Variants in TMEM144 observed in about 807,000 individuals in gnomAD.
TMEM144 encodes transmembrane protein 144.
In TMEM144, 39 loss-of-function variants were observed where a neutral mutation model predicts 43.6. That is an observed-to-expected ratio of 0.90 (90% confidence interval 0.69 to 1.17). The LOEUF is 1.17. TMEM144 is among the 50% of genes most tolerant of loss of function. The pLI is 0.00. For synonymous variants in TMEM144, 154 were observed against 133.6 expected (o/e 1.15, Z -1.06); for missense variants, 417 against 411.9 (o/e 1.01, Z -0.11).
At chr4:158,249,933 T>TGTGTGTGTGTGTGTGTG (rs70958884) in intron 12 of TMEM144, among the ~76,000 whole-genome samples, 85 of 136,048 alleles carry the variant, frequency 6.2e-4, no homozygotes, top group Non-Finnish European at 9.6e-4. Flanking sequence ...TGTGTGTGTG[T>TGTGTGTGTGTGTGTGTG]TTAAATAAGC....
At chr4:158,225,361 T>TC (rs1734714647) in intron 6 of TMEM144, among the ~76,000 whole-genome samples, 1 of 152,246 alleles carries the variant, frequency 6.6e-6, no homozygotes, top group Admixed American at 6.5e-5. Flanking sequence ...CATGAGTTTT[T>TC]CTTTTAACTC....
chr4:158,253,112 CTCAAACAACCATGGTGGTTTGCT>C (rs1406626675), intron 12 of TMEM144, among the ~76,000 whole-genome samples: 1 of 152,230 alleles, frequency 6.6e-6, no homozygotes, highest in Non-Finnish European at 1.5e-5. Context: ...GTAACACACT[CTCAAACAACCATGGTGGTTTGCT>C]TTATTATTAA....
intron 4 of TMEM144, among the ~76,000 whole-genome samples, chr4:158,216,382 G>A (rs574185063): frequency 6.6e-6 from 1 of 152,286 alleles, no homozygotes; most frequent in South Asian, 2.1e-4. Flanking sequence ...GTGATTAGGA[G>A]GGTGGTGGTA....
intron 12 of TMEM144, among the ~76,000 whole-genome samples, chr4:158,250,991 T>C (rs1187770141): frequency 6.6e-6 from 1 of 152,200 alleles, no homozygotes; most frequent in Non-Finnish European, 1.5e-5. Flanking sequence ...CCCTACAGAT[T>C]TGAAGCTGGC....
intron 12 of TMEM144, among the ~76,000 whole-genome samples, chr4:158,252,411 T>A (rs1242974104): frequency 6.6e-6 from 1 of 152,180 alleles, no homozygotes; most frequent in African/African-American, 2.4e-5. Context: ...CACCTCCTAA[T>A]TGGTCTCCTT....
intron 6 of TMEM144, 42 bp from the exon 7 acceptor site, chr4:158,232,859 C>T: frequency 7.4e-7 from 1 of 1,354,536 alleles, no homozygotes; most frequent in South Asian, 1.2e-5. Flanking sequence ...TGATATAAAC[C>T]AGTATTATGA....
At chr4:158,220,584 T>C (rs1269687111) in intron 6 of TMEM144, among the ~76,000 whole-genome samples, 1 of 152,246 alleles carries the variant, frequency 6.6e-6, no homozygotes, top group African/African-American at 2.4e-5. Flanking sequence ...CAAGCTTTGG[T>C]TTCTTCATTT....
chr4:158,230,290 G>A (rs1233457179), intron 6 of TMEM144, among the ~76,000 whole-genome samples: 1 of 152,140 alleles, frequency 6.6e-6, no homozygotes, highest in Non-Finnish European at 1.5e-5. Flanking sequence ...TTTCCTTCCT[G>A]ACCGTTATTA....
chr4:158,215,334 T>C (rs1159060977), intron 4 of TMEM144, 21 bp downstream of exon 4: 1 of 1,609,980 alleles, frequency 6.2e-7, no homozygotes, highest in Non-Finnish European at 8.5e-7. Flanking sequence ...ATATAACTTA[T>C]ACTTTTATTA....
intron 8 of TMEM144, among the ~76,000 whole-genome samples, chr4:158,237,086 T>A (rs915603166): frequency 1.3e-5 from 2 of 152,210 alleles, no homozygotes; most frequent in Non-Finnish European, 1.5e-5. Flanking sequence ...AAAAATGCAT[T>A]TAGTACTTAG....
At chr4:158,236,960 A>G (rs1735380320) in intron 8 of TMEM144, among the ~76,000 whole-genome samples, 1 of 152,200 alleles carries the variant, frequency 6.6e-6, no homozygotes, top group African/African-American at 2.4e-5. Context: ...TTTTATAAAA[A>G]GAAATGTTTT....
chr4:158,225,504 T>C (rs1024877854), intron 6 of TMEM144, among the ~76,000 whole-genome samples: 4 of 152,244 alleles, frequency 2.6e-5, no homozygotes, highest in Non-Finnish European at 5.9e-5. Flanking sequence ...GATCTGGTAT[T>C]CCTTGTGGGG....
chr4:158,242,323 T>C (rs759494066), intron 11 of TMEM144, among the ~76,000 whole-genome samples: 3 of 152,218 alleles, frequency 2.0e-5, no homozygotes, highest in Non-Finnish European at 2.9e-5. Context: ...AGGCCCTTGC[T>C]TGGTTTTATT....
At chr4:158,215,098 G>T in intron 3 of TMEM144, 93 bp from the exon 4 acceptor site, 1 of 1,498,444 alleles carries the variant, frequency 6.7e-7, no homozygotes, top group Non-Finnish European at 9.2e-7. Flanking sequence ...AATAAATTGT[G>T]GCCATTCCTG....
At position 158,254,182 on chromosome 4, in the gene TMEM144, CATT is replaced by C. The variant is rs1266262603; in HGVS notation, c.*656_*658del. The C allele has an allele frequency of 6.6e-6, 1 of 152,168 alleles. No individual in the cohort carries two copies. Among genetic ancestry groups the C allele is most frequent in the Non-Finnish European group, 1.5e-5 (1 of 68,072 alleles). 9.4% of individuals were successfully genotyped at this position (152,168 alleles called of 1,614,324 possible). ...TTCTCAGAGAACAAAAATTTTTCATCATTGAGAAAATGTGCATAACATAATACA... is the reference window on the plus strand; with the variant it reads ...TTCTCAGAGAACAAAAATTTTTCATCGAGAAAATGTGCATAACATAATACA... On this transcript the variant is annotated 3_prime_UTR_variant, in exon 13 of 13. Transcript: ENST00000296529.
Position 158,241,595 on chromosome 4 carries a change from A to G in TMEM144, c.889A>G (p.Ile297Val). 2 of 1,613,794 alleles carry G rather than the reference A, an allele frequency of 1.2e-6. No individual in the cohort carries two copies. Among genetic ancestry groups the G allele is most frequent in the Admixed American group, 1.7e-5 (1 of 60,016 alleles). Residue 297 changes from isoleucine to valine, a missense_variant, in exon 11 of 13, where the codon ATA becomes GTA. Transcript: ENST00000296529. ...HSLSAVVSFP[I>V]ITAGPGFIAA... Reference sequence around the variant, plus strand: ...TCTGAGTGCTGTGGTCAGTTTTCCAATAATCACTGCTGTAAGTAGCTGAAC... The same window carrying G: ...TCTGAGTGCTGTGGTCAGTTTTCCAGTAATCACTGCTGTAAGTAGCTGAAC...
chr4:158,244,296 G>A lies in TMEM144; in HGVS notation c.901G>A (p.Gly301Ser). The A allele has an allele frequency of 6.3e-7, 1 of 1,586,242 alleles. No homozygotes were observed. The highest frequency in any genetic ancestry group is 1.2e-5 in the South Asian group (1 of 85,576). Reference sequence around the variant, plus strand: ...ATTAAAATTTATATTTTTATTTAAGGGTCCAGGATTTATAGCTGCAATGTG... The same window carrying A: ...ATTAAAATTTATATTTTTATTTAAGAGTCCAGGATTTATAGCTGCAATGTG... ...AVVSFPIITA[G>S]PGFIAAMWGI... The change falls in exon 12 of 13, where the codon GGT (glycine) becomes AGT (serine). Residue 301 changes from glycine (G) to serine (S), a missense_variant and splice_region_variant. Gly to Ser is a moderately conservative substitution (Grantham distance 56). Coordinates refer to ENST00000296529, the MANE Select transcript of TMEM144 (RefSeq NM_018342.5).
intron 12 of TMEM144, among the ~76,000 whole-genome samples, 193 bp downstream of exon 12, chr4:158,244,542 G>C (rs544293560): frequency 4.1e-4 from 62 of 152,166 alleles, no homozygotes; most frequent in African/African-American, 1.4e-3. Flanking sequence ...GTGGTGGTGT[G>C]CACCTGTAAT....
intron 3 of TMEM144, chr4:158,213,069 G>T: frequency 2.1e-6 from 1 of 473,576 alleles, no homozygotes; most frequent in Non-Finnish European, 3.8e-6. Flanking sequence ...CACCTGTTTT[G>T]AAAACATGAA....
Sources: allele counts gnomAD v4.1 joint callset (sites outside exome capture counted in the v4.1 genomes callset), GRCh38; gene constraint gnomAD v4.1.1; transcripts MANE v1.5; gene names NCBI Gene and HGNC (gene_info 2026-07-23, HGNC 2026-07-21).